The following IL17B variants were observed in gnomAD, a reference collection of about 807,000 sequenced individuals.
The protein encoded by IL17B is interleukin 17B.
IL17B carries 14 observed loss-of-function variants against 14.7 expected under a neutral mutation model. The observed-to-expected ratio is 0.95, with a 90% CI of 0.63 to 1.49. The LOEUF (loss-of-function observed/expected upper bound fraction) is 1.49, where lower values mean the gene tolerates loss of function less well. IL17B is among the 40% of genes most tolerant of loss of function. The pLI, the probability that IL17B is intolerant of heterozygous loss-of-function variation, is 0.00. For synonymous variants in IL17B, 105 were observed against 94.8 expected (o/e 1.11, Z -0.62); for missense variants, 233 against 252.8 (o/e 0.92, Z 0.53).
In IL17B at chr5:149,385,384, A is replaced by G. The variant is rs1437219509; in HGVS notation, n.96-8359T>C. ...AAAAACAAAAAAAAATCCTGACCTC[A>G]TGATCCGCCTCAGCCTCCCAAAGTG... is the stretch of plus-strand genomic sequence containing the variant. On this transcript the variant is annotated intron_variant and non_coding_transcript_variant, in intron 1 of 2. Transcript: ENST00000505432. Among the ~76,000 whole-genome samples the G allele has an allele frequency of 1.1e-4, 16 of 152,228 alleles. No individual in the cohort carries two copies. In the East Asian group the frequency reaches 3.1e-3, roughly 30 times the overall value.
chr5:149,378,239 A>G (rs2127617679), intron 1 of IL17B, among the ~76,000 whole-genome samples: 1 of 152,258 alleles, frequency 6.6e-6, no homozygotes, highest in East Asian at 1.9e-4. Context: ...GAGATGGGCA[A>G]GTTATGGGCT....
Position 149,374,363 on chromosome 5 carries a change from G to A in IL17B, c.*6C>T. 6.4e-7 allele frequency: 1 copy of A among 1,559,210 alleles called. No homozygotes were observed. The highest frequency in any genetic ancestry group is 8.7e-7 in the Non-Finnish European group (1 of 1,151,608). ...GGCTGCTGGCCTGGCTTCTGGGCCAGGTGATTCAGAAGATGCAGGTGCAGC... is the reference window on the plus strand; with the variant it reads ...GGCTGCTGGCCTGGCTTCTGGGCCAAGTGATTCAGAAGATGCAGGTGCAGC... On this transcript the variant is annotated 3_prime_UTR_variant, in exon 3 of 3. Transcript: ENST00000261796. The surrounding 1 kb of genome is among the most constrained non-coding windows in gnomAD (Gnocchi z 5.0).
chr5:149,401,563 G>T (rs1006989459), intron 1 of IL17B, among the ~76,000 whole-genome samples: 1 of 152,094 alleles, frequency 6.6e-6, no homozygotes, highest in Non-Finnish European at 1.5e-5. Flanking sequence ...AACTAGCCGG[G>T]TGTGGCAGCA....
intron 1 of IL17B, among the ~76,000 whole-genome samples, chr5:149,377,332 G>A (rs1340408534): frequency 6.6e-6 from 1 of 152,152 alleles, no homozygotes; most frequent in Non-Finnish European, 1.5e-5. Flanking sequence ...CCTCGTGTCA[G>A]CTTTAGCATC....
chr5:149,378,491 A>T (rs1758603840), intron 1 of IL17B, among the ~76,000 whole-genome samples: 1 of 152,232 alleles, frequency 6.6e-6, no homozygotes, highest in South Asian at 2.1e-4. Context: ...AGCTCCCAGG[A>T]TGGAGGCACC....
intron 1 of IL17B, among the ~76,000 whole-genome samples, chr5:149,396,230 C>T (rs1173407760): frequency 6.6e-6 from 1 of 152,192 alleles, no homozygotes. Context: ...ATCTTCAAAT[C>T]AGCATTGATA....
upstream of IL17B, among the ~76,000 whole-genome samples, chr5:149,379,530 C>T (rs1446794463): frequency 6.6e-6 from 1 of 152,234 alleles, no homozygotes; most frequent in East Asian, 1.9e-4. Flanking sequence ...GCACCTCCGC[C>T]TGTGGCCTGC....
At chr5:149,390,630 C>CACCCAG (rs1491235916) in intron 1 of IL17B, among the ~76,000 whole-genome samples, 1 of 132,002 alleles carries the variant, frequency 7.6e-6, no homozygotes, top group Non-Finnish European at 1.6e-5. Context: ...CACACACACA[C>CACCCAG]AGAGATACAC....
rs1581380795 is a variant in IL17B, at chr5:149,374,579, A to C, written c.333T>G (p.Arg111=). The C allele has an allele frequency of 1.2e-6, 2 of 1,611,990 alleles. No homozygotes were observed. Among genetic ancestry groups the C allele is most frequent in the Non-Finnish European group, 1.7e-6 (2 of 1,178,962 alleles). ...WGYSINHDPS[R]IPVDLPEARC... ...GTGCCTCCGGCAGGTCCACGGGGAT[A>C]CGGCTGGGGTCGTGGTTGATGCTGC... is the stretch of plus-strand genomic sequence containing the variant. The change falls in exon 3 of 3, where the codon CGT becomes CGG. Residue 111 remains arginine (R), a synonymous_variant. Transcript: ENST00000261796. The surrounding 1 kb of genome is among the most constrained non-coding windows in gnomAD (Gnocchi z 5.0).
chr5:149,386,561 T>C (rs1048562791), intron 1 of IL17B, among the ~76,000 whole-genome samples: 1 of 152,184 alleles, frequency 6.6e-6, no homozygotes, highest in African/African-American at 2.4e-5. Context: ...ATATCTTGCC[T>C]AGGATGTTCT....
At chr5:149,381,693 G>T (rs968354956), upstream of IL17B, among the ~76,000 whole-genome samples, 8 of 152,336 alleles carry the variant, frequency 5.3e-5, no homozygotes, top group South Asian at 1.5e-3. Flanking sequence ...ACAGTCATTG[G>T]GTTTCCCATT....
Position 149,376,960 on chromosome 5 carries a change from C to T in IL17B, c.87G>A (p.Arg29=). 6.2e-7 allele frequency: 1 copy of T among 1,605,528 alleles called. No homozygotes were observed. The highest frequency in any genetic ancestry group is 8.5e-7 in the Non-Finnish European group (1 of 1,176,832). ...LGQPRSPKSK[R]KGQGRPGPLA... is the part of the protein sequence containing the mutation. Reference sequence around the variant, plus strand: ...GGGGCCCAGGCCGCCCTTGCCCCTTCCTCTTGCTTTTGGGGCTCCTGGGCT... The same window carrying T: ...GGGGCCCAGGCCGCCCTTGCCCCTTTCTCTTGCTTTTGGGGCTCCTGGGCT... The change falls in exon 2 of 3, where the codon AGG becomes AGA. Residue 29 remains arginine, a synonymous_variant. Coordinates refer to ENST00000261796, the MANE Select transcript of IL17B (RefSeq NM_014443.3).
chr5:149,402,689 TAAAAA>T (rs370816490), intron 1 of IL17B, among the ~76,000 whole-genome samples: 5 of 139,184 alleles, frequency 3.6e-5, no homozygotes, highest in East Asian at 2.3e-4. Context: ...ACCATGCTTT[TAAAAA>T]AAAAAAAAAA....
chr5:149,396,791 G>GTT (rs1260161057), intron 1 of IL17B, among the ~76,000 whole-genome samples: 1 of 152,100 alleles, frequency 6.6e-6, no homozygotes, highest in African/African-American at 2.4e-5. Context: ...AGTAAGAATA[G>GTT]TTCACCATGT....
At position 149,395,302 on chromosome 5, in the gene IL17B, A is replaced by G. The variant is rs1031729324; in HGVS notation, n.95+8806T>C. Among the ~76,000 whole-genome samples, 3 of 152,100 alleles carry G rather than the reference A, an allele frequency of 2.0e-5. No individual in the cohort carries two copies. The East Asian group carries it at 5.8e-4, about 29-fold the overall frequency. On this transcript the variant is annotated intron_variant and non_coding_transcript_variant, in intron 1 of 2. Coordinates refer to the IL17B transcript ENST00000505432. ...TTTAGGTTGATACCATGTCTTTGCT[A>G]TTGTGACTAGTGCTGCAATGACACT...
In IL17B at chr5:149,374,495, C is replaced by T; in HGVS notation, c.417G>A (p.Val139=). 6.2e-7 allele frequency: 1 copy of T among 1,613,140 alleles called. No homozygotes were observed. The highest frequency in any genetic ancestry group is 8.5e-7 in the Non-Finnish European group (1 of 1,179,980). The change falls in exon 3 of 3, where the codon GTG becomes GTA. Residue 139 remains valine (V), a synonymous_variant. Transcript: ENST00000261796. The surrounding 1 kb of genome is among the most constrained non-coding windows in gnomAD (Gnocchi z 5.0). ...GAACCTGGCTGAACACCGGCACGCT[C>T]ACCATGCTGCGGTCCTCCTGCATGG... ...PFTMQEDRSM[V]SVPVFSQVPV...
chr5:149,393,829 T>A (rs992638112), intron 1 of IL17B, among the ~76,000 whole-genome samples: 2 of 152,162 alleles, frequency 1.3e-5, no homozygotes, highest in East Asian at 3.9e-4. Context: ...TCCCTTTTAT[T>A]TTGAAGCCAC....
intron 1 of IL17B, among the ~76,000 whole-genome samples, chr5:149,399,661 G>A (rs1469433125): frequency 6.6e-6 from 1 of 152,122 alleles, no homozygotes. Flanking sequence ...GTGGGATTTT[G>A]TGTCAGGTGG....
chr5:149,393,812 A>G (rs1470206233), intron 1 of IL17B, among the ~76,000 whole-genome samples: 2 of 152,178 alleles, frequency 1.3e-5, no homozygotes, highest in African/African-American at 2.4e-5. Flanking sequence ...CACATGAGCC[A>G]ATGAACTCCC....
Sources: allele counts gnomAD v4.1 joint callset (sites outside exome capture counted in the v4.1 genomes callset), GRCh38; gene constraint gnomAD v4.1.1; non-coding constraint Gnocchi (gnomAD v3.1); transcripts MANE v1.5; gene names NCBI Gene and HGNC (gene_info 2026-07-23, HGNC 2026-07-21).